The following PPP4R4 variants were observed in gnomAD, a reference collection of about 807,000 sequenced individuals.
PPP4R4 encodes serine/threonine-protein phosphatase 4 regulatory subunit 4.
PPP4R4 carries 70 observed loss-of-function variants against 121.8 expected under a neutral mutation model. The observed-to-expected ratio is 0.57, with a 90% CI of 0.47 to 0.70. The LOEUF is 0.70. Among genes scored for constraint, PPP4R4 ranks in the 30% least tolerant of loss-of-function variants. The probability of loss-of-function intolerance (pLI) is 0.00; values close to 1 mark genes in which losing one functional copy is unlikely to be tolerated. For synonymous variants in PPP4R4, 348 were observed against 355.7 expected, an observed-to-expected ratio of 0.98 and a Z score of 0.24; for missense variants, 875 against 1,033.6, an observed-to-expected ratio of 0.85 and a Z score of 2.10.
intron 3 of PPP4R4, among the ~76,000 whole-genome samples, chr14:94,213,916 A>G (rs1890878552): frequency 6.6e-6 from 1 of 152,218 alleles, no homozygotes; most frequent in Non-Finnish European, 1.5e-5. Context: ...AACTAATGAA[A>G]GTAACTTCCC....
chr14:94,180,474 A>G (rs1471815455), intron 2 of PPP4R4, among the ~76,000 whole-genome samples: 2 of 152,040 alleles, frequency 1.3e-5, no homozygotes, highest in Non-Finnish European at 2.9e-5. Flanking sequence ...TACTGAGACT[A>G]GCTTTTATGT....
intron 3 of PPP4R4, among the ~76,000 whole-genome samples, chr14:94,225,721 GT>G (rs756225022): frequency 1.1e-4 from 16 of 152,088 alleles, no homozygotes; most frequent in Non-Finnish European, 2.2e-4. Context: ...CTTCTTTCCA[GT>G]TTCCCAGAAT....
intron 14 of PPP4R4, 85 bp from the exon 15 acceptor site, chr14:94,250,087 A>G (rs1893096896): frequency 3.5e-6 from 3 of 868,006 alleles, no homozygotes; most frequent in African/African-American, 1.7e-5. Flanking sequence ...AGTTTTGTCA[A>G]TAACTTAAAA....
rs749228020 is a variant in PPP4R4 at position 94,266,898 on chromosome 14, G to A, written c.2379-61G>A. ...GAAGATTAAAACAGCACAAGTGTTA[G>A]ATGACTGAGATTGTAAGAAGTGTGT... On this transcript the variant is annotated intron_variant, in intron 22 of 24. Coordinates refer to ENST00000304338, the MANE Select transcript of PPP4R4 (RefSeq NM_058237.2). 6.3e-5 allele frequency: 69 copies of A among 1,089,992 alleles called. No individual in the cohort carries two copies. In the Admixed American group the frequency reaches 7.2e-4, roughly 11 times the overall value. 67.5% of individuals were successfully genotyped at this position (1,089,992 alleles called of 1,614,324 possible). A position where few individuals can be genotyped will look rare whatever the true frequency, so the allele number is the denominator to read the frequency against.
rs1295955130 is a variant in PPP4R4 at position 94,234,623 on chromosome 14, C to A, written c.685C>A (p.Arg229=). Reference sequence around the variant, plus strand: ...CTGTCAAGATGTAGAATATGAAGTTCGATCTTGTATGTGTCGGCAATTAGA... The same window carrying A: ...CTGTCAAGATGTAGAATATGAAGTTAGATCTTGTATGTGTCGGCAATTAGA... ...SLCQDVEYEV[R]SCMCRQLENI... is the part of the protein sequence containing the mutation. Residue 229 remains arginine, a synonymous_variant, in exon 7 of 25, where the codon CGA becomes AGA. Coordinates refer to ENST00000304338, the MANE Select transcript of PPP4R4 (RefSeq NM_058237.2). 2 of 1,609,092 alleles carry A rather than the reference C, an allele frequency of 1.2e-6. No homozygotes were observed. Among genetic ancestry groups the A allele is most frequent in the Non-Finnish European group, 1.7e-6 (2 of 1,176,000 alleles).
chr14:94,253,648 T>G (rs1252519765), intron 16 of PPP4R4, among the ~76,000 whole-genome samples: 1 of 152,228 alleles, frequency 6.6e-6, no homozygotes, highest in Non-Finnish European at 1.5e-5. Flanking sequence ...TCTACTTTGA[T>G]CAGTGTAACT....
At chr14:94,205,837 T>C (rs78073363) in intron 2 of PPP4R4, among the ~76,000 whole-genome samples, 2,155 of 152,076 alleles carry the variant, frequency 0.014, 22 homozygotes, top group Non-Finnish European at 0.022. Flanking sequence ...GATTCCATTG[T>C]GGTTAGAGAA....
At chr14:94,271,023 T>C (rs1225249605) in intron 23 of PPP4R4, among the ~76,000 whole-genome samples, 2 of 151,948 alleles carry the variant, frequency 1.3e-5, no homozygotes, top group African/African-American at 4.8e-5. Context: ...AGAAATTGAA[T>C]TGGTAATTAA....
rs781443172 is a variant in PPP4R4, at chr14:94,233,682, A to G, written c.546A>G (p.Gln182=). 6 of 1,599,400 alleles carry G rather than the reference A, an allele frequency of 3.8e-6. No individual in the cohort carries two copies. The highest frequency in any genetic ancestry group is 2.3e-5 in the South Asian group (2 of 87,898). Reference sequence around the variant, plus strand: ...TGAATCCACTTGTTTCCAAGGCACAACTTTCCCAAACAGTCCAGTCTCGTT... The same window carrying G: ...TGAATCCACTTGTTTCCAAGGCACAGCTTTCCCAAACAGTCCAGTCTCGTT... ...EILNPLVSKA[Q]LSQTVQSRLV... The change falls in exon 6 of 25, where the codon CAA becomes CAG. Residue 182 remains glutamine (Q), a synonymous_variant. Coordinates refer to ENST00000304338, the MANE Select transcript of PPP4R4 (RefSeq NM_058237.2).
At chr14:94,229,013 A>G (rs1288232750) in intron 3 of PPP4R4, among the ~76,000 whole-genome samples, 1 of 152,148 alleles carries the variant, frequency 6.6e-6, no homozygotes, top group Non-Finnish European at 1.5e-5. Context: ...ATCCAGGAAA[A>G]GTGGAACTGA....
chr14:94,199,742 C>T (rs902037827), intron 2 of PPP4R4, among the ~76,000 whole-genome samples: 23 of 152,234 alleles, frequency 1.5e-4, no homozygotes, highest in Admixed American at 6.5e-4. Flanking sequence ...CACCTCATTC[C>T]GGGGGTTGAT....
chr14:94,258,968 C>G, intron 18 of PPP4R4, 144 bp downstream of exon 18: 1 of 812,026 alleles, frequency 1.2e-6, no homozygotes, highest in Middle Eastern at 3.7e-4. Context: ...ACAATCGTGA[C>G]AGAAGGCAAG....
chr14:94,269,857 G>A (rs906369083), intron 23 of PPP4R4, among the ~76,000 whole-genome samples: 2 of 152,144 alleles, frequency 1.3e-5, no homozygotes, highest in South Asian at 2.1e-4. Flanking sequence ...CACAGCCAAG[G>A]AGAGCCTAAG....
rs1894805188 is a variant in PPP4R4 at position 94,279,211 on chromosome 14, A to G, written c.*568A>G. On this transcript the variant is annotated 3_prime_UTR_variant, in exon 25 of 25. Transcript: ENST00000304338. The stretch of plus-strand genomic sequence containing the variant: ...TGGTGACAATATGTTGTACCCGGAC[A>G]TTCCCAAATTTAAATTTGGCAGTGA... The G allele has an allele frequency of 6.6e-6, 1 of 152,666 alleles. No individual in the cohort carries two copies. The highest frequency in any genetic ancestry group is 1.5e-5 in the Non-Finnish European group (1 of 68,048). 9.5% of individuals were successfully genotyped at this position (152,666 alleles called of 1,614,324 possible).
At chr14:94,238,744 T>C (rs1892474842) in intron 8 of PPP4R4, among the ~76,000 whole-genome samples, 1 of 152,198 alleles carries the variant, frequency 6.6e-6, no homozygotes, top group Non-Finnish European at 1.5e-5. Context: ...AATTATAGTA[T>C]TACATTTACT....
chr14:94,231,801 T>A lies in PPP4R4; in HGVS notation c.516+486T>A, dbSNP rs537861851. 2.0e-5 allele frequency among the ~76,000 whole-genome samples: 3 copies of A among 152,290 alleles called. No individual in the cohort carries two copies. In the South Asian group the frequency reaches 6.2e-4, roughly 32 times the overall value. On this transcript the variant is annotated intron_variant, in intron 5 of 24. Coordinates refer to ENST00000304338, the MANE Select transcript of PPP4R4 (RefSeq NM_058237.2). ...TTAATTGTAGCTTTCAAACAGGAAT[T>A]AATGGATCAGAGGGCATTAATATTC...
rs190550838 is a variant in PPP4R4 at position 94,227,854 on chromosome 14, G to A, written c.295-2733G>A. The stretch of plus-strand genomic sequence containing the variant: ...AAGCTGTGCCTTCTGAAACCTGTAA[G>A]TGATGTATACTGGCCACATCAAATC... On this transcript the variant is annotated intron_variant, in intron 3 of 24. Coordinates refer to ENST00000304338, the MANE Select transcript of PPP4R4 (RefSeq NM_058237.2). 1.7e-4 allele frequency: 166 copies of A among 986,664 alleles called. No individual in the cohort carries two copies. In the Middle Eastern group the frequency reaches 3.1e-3, roughly 19 times the overall value. 61.1% of individuals were successfully genotyped at this position (986,664 alleles called of 1,614,324 possible). A position where few individuals can be genotyped will look rare whatever the true frequency, so the allele number is the denominator to read the frequency against.
At chr14:94,249,452 A>G (rs1893066424) in intron 14 of PPP4R4, among the ~76,000 whole-genome samples, 1 of 152,134 alleles carries the variant, frequency 6.6e-6, no homozygotes, top group South Asian at 2.1e-4. Flanking sequence ...TGGGATCTTT[A>G]GTAATTCAAC....
At chr14:94,266,448 A>G (rs185443592) in intron 22 of PPP4R4, among the ~76,000 whole-genome samples, 80 of 152,274 alleles carry the variant, frequency 5.3e-4, no homozygotes, top group African/African-American at 1.7e-3. Context: ...AAACTGCTGT[A>G]TGTCAATTGA....
Sources: gnomAD v4.1 joint callset for allele counts (sites outside exome capture counted in the v4.1 genomes callset) on GRCh38, gnomAD v4.1.1 for gene constraint, MANE v1.5 for transcripts, NCBI Gene and HGNC (gene_info 2026-07-23, HGNC 2026-07-21) for gene names.